The following ADAP1 variants were observed in gnomAD, a reference collection of about 807,000 sequenced individuals.
The protein encoded by ADAP1 is ArfGAP with dual PH domains 1.
A neutral mutation model predicts 54.9 loss-of-function variants in ADAP1; 31 were observed. The observed-to-expected ratio is 0.56, with a 90% CI of 0.42 to 0.76. The LOEUF (loss-of-function observed/expected upper bound fraction) is 0.76, where lower values mean the gene tolerates loss of function less well. Among genes scored for constraint, ADAP1 ranks in the 30% least tolerant of loss-of-function variants. The probability of loss-of-function intolerance (pLI) is 0.00; values close to 1 mark genes in which losing one functional copy is unlikely to be tolerated. For missense variants in ADAP1, 535 were observed against 512.4 expected (o/e 1.04, Z -0.42); for synonymous variants, 313 against 202.6 (o/e 1.55, Z -4.63).
At chr7:941,569 T>A (rs573894641) in intron 1 of ADAP1, among the ~76,000 whole-genome samples, 4 of 152,264 alleles carry the variant, frequency 2.6e-5, no homozygotes, top group Admixed American at 2.6e-4. Flanking sequence ...ATAAAATGTA[T>A]GAAAGAGGGA....
chr7:905,360 GAAAGGGAAAGGGA>G (rs1845093067), intron 4 of ADAP1, 188 bp from the exon 5 acceptor site: 1 of 100,726 alleles, frequency 9.9e-6, no homozygotes, highest in Non-Finnish European at 1.7e-5. Flanking sequence ...GATGGGCAGG[GAAAGGGAAAGGGA>G]AAGGAGAAAG....
chr7:919,171 G>C (rs1213384527), intron 4 of ADAP1, among the ~76,000 whole-genome samples: 3 of 151,574 alleles, frequency 2.0e-5, no homozygotes, highest in Non-Finnish European at 2.9e-5. Flanking sequence ...CCTAGGGGAG[G>C]TGGAGGCCGC....
At chr7:935,777 A>G (rs527647770) in intron 1 of ADAP1, among the ~76,000 whole-genome samples, 2 of 151,970 alleles carry the variant, frequency 1.3e-5, no homozygotes, top group Non-Finnish European at 2.9e-5. Context: ...GGTGCCGGGA[A>G]CCTCCAGCAG....
In ADAP1 at chr7:898,764, C is replaced by G; in HGVS notation, c.*157G>C. 1.1e-6 allele frequency: 1 copy of G among 943,654 alleles called. No individual in the cohort carries two copies. The allele number at this position is 943,654 out of a possible 1,614,324, so 58.5% of individuals were successfully genotyped here. A position where few individuals can be genotyped will look rare whatever the true frequency, so the allele number is the denominator to read the frequency against. On this transcript the variant is annotated 3_prime_UTR_variant, in exon 11 of 11. Coordinates refer to ENST00000265846, the MANE Select transcript of ADAP1 (RefSeq NM_006869.4). ...CTGCCTTGAGGTTCCAGAGAAGCATCCTGGAAGCTGAAGCTCGGGCCCTAC... is the reference window on the plus strand; with the variant it reads ...CTGCCTTGAGGTTCCAGAGAAGCATGCTGGAAGCTGAAGCTCGGGCCCTAC...
At chr7:933,575 G>C (rs1258219422) in intron 2 of ADAP1, among the ~76,000 whole-genome samples, 5 of 102,200 alleles carry the variant, frequency 4.9e-5, no homozygotes, top group Non-Finnish European at 7.6e-5. Flanking sequence ...GTCAGTGGTG[G>C]TGCAGAGCCG....
chr7:906,721 G>GATAGAGT (rs1845436594), intron 4 of ADAP1, among the ~76,000 whole-genome samples: 1 of 24,542 alleles, frequency 4.1e-5, no homozygotes, highest in African/African-American at 1.6e-4. Flanking sequence ...GGACATCGGG[G>GATAGAGT]ACGGGACATG....
Position 920,157 on chromosome 7 carries a change from C to G in ADAP1, c.306-107G>C, listed in dbSNP as rs992034216. On this transcript the variant is annotated intron_variant, in intron 3 of 10. Transcript: ENST00000265846. The surrounding 1 kb of genome is among the most constrained non-coding windows in gnomAD (Gnocchi z 4.5). ...ACATCTCAAGAGGCTCATAGGGACC[C>G]CCGGCAGACTCGAGCCGCCCCTCTG... 2.0e-6 allele frequency: 2 copies of G among 981,874 alleles called. No homozygotes were observed. The highest frequency in any genetic ancestry group is 2.7e-5 in the East Asian group (1 of 37,234). The allele number at this position is 981,874 out of a possible 1,614,324, so 60.8% of individuals were successfully genotyped here. A position where few individuals can be genotyped will look rare whatever the true frequency, so the allele number is the denominator to read the frequency against.
At position 899,058 on chromosome 7, in the gene ADAP1, C is replaced by A. The variant is rs1322557766; in HGVS notation, c.1071G>T (p.Arg357Ser). Residue 357 changes from arginine to serine, a missense_variant, in exon 10 of 11, where the codon AGG becomes AGT. By Grantham distance (110) the Arg-to-Ser change is moderately radical. Transcript: ENST00000265846. ...CTGCGTACTCCTGGGGCAGCATGGG[C>A]CTGTCCACCGCCTTCTGGAAGGCCG... is the stretch of plus-strand genomic sequence containing the variant. ...WVAAFQKAVD[R>S]PMLPQEYAVE... is the part of the protein sequence containing the mutation. 1 of 1,608,574 alleles carries A rather than the reference C, an allele frequency of 6.2e-7. No individual in the cohort carries two copies. The highest frequency in any genetic ancestry group is 8.5e-7 in the Non-Finnish European group (1 of 1,179,908).
chr7:901,224 GC>G, intron 6 of ADAP1: 1 of 358,720 alleles, frequency 2.8e-6, no homozygotes, highest in Non-Finnish European at 5.5e-6. Context: ...CACGTCGGGT[GC>G]CCTCTGGGTC....
At chr7:921,875 C>T (rs1035369805) in intron 3 of ADAP1, among the ~76,000 whole-genome samples, 1 of 152,194 alleles carries the variant, frequency 6.6e-6, no homozygotes, top group Non-Finnish European at 1.5e-5. Context: ...ACCACGCCTG[C>T]CAACGGCCCT....
chr7:928,781 CAGTCT>C (rs1271619779), intron 2 of ADAP1, among the ~76,000 whole-genome samples: 1 of 152,246 alleles, frequency 6.6e-6, no homozygotes, highest in Non-Finnish European at 1.5e-5. Context: ...TGGTGACTAA[CAGTCT>C]GGCAGTTCCT....
rs1491070356 is a variant in ADAP1 at position 900,183 on chromosome 7, G to GGC, written c.733-21_733-20dup. The GGC allele has an allele frequency of 1.7e-5, 28 of 1,612,792 alleles. No homozygotes were observed. Among genetic ancestry groups the GGC allele is most frequent in the Non-Finnish European group, 2.2e-5 (26 of 1,179,878 alleles). ...GCACCAGCTAGGGCAGGACACACCA[G>GGC]GCAGGGGACCTCAGAAGTGCAGCTC... On this transcript the variant is annotated intron_variant, in intron 7 of 10. Coordinates refer to ENST00000265846, the MANE Select transcript of ADAP1 (RefSeq NM_006869.4).
Position 900,106 on chromosome 7 carries a change from G to C in ADAP1, c.791C>G (p.Pro264Arg). ...CCGCACGTGCGGCACACCCACCTTG[G>C]GCCCCGTCTTCTCCATGTAGCCTTC... ...LKEGYMEKTG[P>R]KQTEGFRKRW... The change falls in exon 8 of 11, where the codon CCC becomes CGC. Residue 264 changes from proline (P) to arginine (R), a missense_variant. Pro to Arg is a moderately radical substitution (Grantham distance 103). Coordinates refer to ENST00000265846, the MANE Select transcript of ADAP1 (RefSeq NM_006869.4). The C allele has an allele frequency of 6.2e-7, 1 of 1,613,140 alleles. No homozygotes were observed. Among genetic ancestry groups the C allele is most frequent in the Non-Finnish European group, 8.5e-7 (1 of 1,179,906 alleles).
rs910227113 is a variant in ADAP1 at position 938,156 on chromosome 7, G to C, written c.83-2651C>G. On this transcript the variant is annotated intron_variant, in intron 1 of 10. Coordinates refer to ENST00000265846, the MANE Select transcript of ADAP1 (RefSeq NM_006869.4). The surrounding 1 kb of genome is among the most constrained non-coding windows in gnomAD (Gnocchi z 4.4). ...GGATCAGCCGTTGTTTGGTTTTGCG[G>C]GGTTTTTTTTGTCTTGTATTGTATT... 6.6e-6 allele frequency among the ~76,000 whole-genome samples: 1 copy of C among 152,038 alleles called. No individual in the cohort carries two copies. Among genetic ancestry groups the C allele is most frequent in the Non-Finnish European group, 1.5e-5 (1 of 68,028 alleles).
chr7:937,583 A>G (rs113459278), intron 1 of ADAP1, among the ~76,000 whole-genome samples: 875 of 20,176 alleles, frequency 0.043, 35 homozygotes, highest in South Asian at 0.18. Context: ...GTCACGCCCG[A>G]CCTCTGGGAT....
Position 920,882 on chromosome 7 carries a change from G to T in ADAP1, c.306-832C>A. The T allele has an allele frequency of 6.5e-7, 1 of 1,549,878 alleles. No homozygotes were observed. The highest frequency in any genetic ancestry group is 1.2e-5 in the South Asian group (1 of 84,050). Reference sequence around the variant, plus strand: ...CCGCCCCAGCCTTTTCCACTCCCAGGGAATTACGCGGCAAAGAACAAATAG... The same window carrying T: ...CCGCCCCAGCCTTTTCCACTCCCAGTGAATTACGCGGCAAAGAACAAATAG... On this transcript the variant is annotated intron_variant, in intron 3 of 10. Transcript: ENST00000265846. The surrounding 1 kb of genome is among the most constrained non-coding windows in gnomAD (Gnocchi z 4.5).
At chr7:925,106 G>A (rs1012937119) in intron 3 of ADAP1, among the ~76,000 whole-genome samples, 3 of 152,064 alleles carry the variant, frequency 2.0e-5, no homozygotes, top group African/African-American at 4.8e-5. Context: ...CCAGGCTCAC[G>A]GGAGGCTCAT....
intron 9 of ADAP1, 70 bp from the exon 10 acceptor site, chr7:899,331 C>G (rs142465805): frequency 1.2e-6 from 2 of 1,604,868 alleles, no homozygotes; most frequent in Admixed American, 1.7e-5. Context: ...GGCCAGGACT[C>G]GGGAGGCCAC....
intron 4 of ADAP1, 73 bp from the exon 5 acceptor site, chr7:905,245 G>C: frequency 2.7e-6 from 3 of 1,104,662 alleles, no homozygotes; most frequent in African/African-American, 3.3e-5. Context: ...ACGATGGACA[G>C]GACAGAGGGG....
Sources: allele counts gnomAD v4.1 joint callset (sites outside exome capture counted in the v4.1 genomes callset), GRCh38; gene constraint gnomAD v4.1.1; non-coding constraint Gnocchi (gnomAD v3.1); transcripts MANE v1.5; gene names NCBI Gene and HGNC (gene_info 2026-07-23, HGNC 2026-07-21).